Variants in HCFC2 observed in about 807,000 individuals in gnomAD.
HCFC2 encodes host cell factor C2.
Under a neutral mutation model 89.2 loss-of-function variants are expected in HCFC2, and 18 were observed. That is an observed-to-expected ratio of 0.20 (90% CI 0.14 to 0.30). HCFC2 has a LOEUF of 0.30. Among genes scored for constraint, HCFC2 ranks in the 10% least tolerant of loss-of-function variants. HCFC2 has a pLI of 1.00. For missense variants in HCFC2, 578 were observed against 956.1 expected (o/e 0.60, Z 5.21); for synonymous variants, 308 against 335.7 (o/e 0.92, Z 0.90).
At chr12:104,102,638 A>G (rs1244533082) in intron 14 of HCFC2, among the ~76,000 whole-genome samples, 2 of 152,184 alleles carry the variant, frequency 1.3e-5, no homozygotes, top group African/African-American at 2.4e-5. Context: ...GAGAATTTTA[A>G]TAGAGCACTC....
chr12:104,101,337 T>C (rs1379109676), intron 13 of HCFC2, among the ~76,000 whole-genome samples: 1 of 151,832 alleles, frequency 6.6e-6, no homozygotes, highest in Non-Finnish European at 1.5e-5. Context: ...ATACAAAAAT[T>C]AGTTGGGTGT....
At chr12:104,087,437 GTGTGTA>G (rs1242820640) in intron 8 of HCFC2, among the ~76,000 whole-genome samples, 15 of 100,744 alleles carry the variant, frequency 1.5e-4, no homozygotes, top group South Asian at 3.2e-4. Flanking sequence ...GTGTGTGTGT[GTGTGTA>G]TGTGTGTGTG....
At chr12:104,080,702 C>T (rs369037996) in intron 4 of HCFC2, 44 bp from the exon 5 acceptor site, 2 of 1,175,524 alleles carry the variant, frequency 1.7e-6, no homozygotes, top group Admixed American at 2.2e-5. Flanking sequence ...AGGTAATTTA[C>T]TCTTGTTAGA....
chr12:104,078,000 GTATT>G (rs1883559981), intron 3 of HCFC2, among the ~76,000 whole-genome samples: 1 of 151,842 alleles, frequency 6.6e-6, no homozygotes, highest in South Asian at 2.1e-4. Flanking sequence ...ATTTATTTAT[GTATT>G]TATTTTTGTT....
At chr12:104,081,606 T>G (rs895376125) in intron 5 of HCFC2, among the ~76,000 whole-genome samples, 3 of 151,996 alleles carry the variant, frequency 2.0e-5, no homozygotes, top group Non-Finnish European at 4.4e-5. Flanking sequence ...CCTAGTTTTT[T>G]TTTTTTTTTT....
Position 104,102,982 on chromosome 12 carries a change from C to T in HCFC2, c.2088C>T (p.Ser696=), listed in dbSNP as rs750007912. Residue 696 remains serine, a synonymous_variant, in exon 15 of 15, where the codon TCC becomes TCT. Transcript: ENST00000229330. ...ISKNVEGIHL[S]WEPPTSPSGN... ...AGAATGTTGAAGGTATCCACCTTTC[C>T]TGGGAACCTCCAACCTCACCTTCTG... 10 of 1,607,750 alleles carry T rather than the reference C, an allele frequency of 6.2e-6. No homozygotes were observed. Among genetic ancestry groups the T allele is most frequent in the South Asian group, 5.5e-5 (5 of 90,862 alleles).
intron 9 of HCFC2, among the ~76,000 whole-genome samples, chr12:104,092,589 A>G (rs1323736196): frequency 6.6e-6 from 1 of 152,160 alleles, no homozygotes; most frequent in Non-Finnish European, 1.5e-5. Context: ...CCTGGCCAAC[A>G]TGGTGAAACC....
chr12:104,105,096 T>C lies in HCFC2; in HGVS notation c.*1823T>C, dbSNP rs1268503337. The stretch of plus-strand genomic sequence containing the variant: ...TCTAGCTTCTGTAATGTATCTGATA[T>C]AGGCTAAACAAATACTTAACCAAAG... On this transcript the variant is annotated 3_prime_UTR_variant, in exon 15 of 15. Transcript: ENST00000229330. 1 of 152,050 alleles carries C rather than the reference T, an allele frequency of 6.6e-6. No homozygotes were observed. The highest frequency in any genetic ancestry group is 2.4e-5 in the African/African-American group (1 of 41,450). The allele number at this position is 152,050 out of a possible 1,614,324, so 9.4% of individuals were successfully genotyped here. A position where few individuals can be genotyped will look rare whatever the true frequency, so the allele number is the denominator to read the frequency against.
Position 104,105,468 on chromosome 12 carries a change from C to A in HCFC2, c.*2195C>A, listed in dbSNP as rs2030060716. 1 of 151,936 alleles carries A rather than the reference C, an allele frequency of 6.6e-6. No individual in the cohort carries two copies. The highest frequency in any genetic ancestry group is 1.5e-5 in the Non-Finnish European group (1 of 67,890). The allele number at this position is 151,936 out of a possible 1,614,324, so 9.4% of individuals were successfully genotyped here. A position where few individuals can be genotyped will look rare whatever the true frequency, so the allele number is the denominator to read the frequency against. On this transcript the variant is annotated 3_prime_UTR_variant, in exon 15 of 15. Transcript: ENST00000229330. ...TTCTGGATCAGGAGGTGATTCTGAA[C>A]CTGTGGTTCTAACATATGACTTAAC...
chr12:104,069,830 C>G (rs895187739), intron 3 of HCFC2, among the ~76,000 whole-genome samples: 6 of 152,034 alleles, frequency 3.9e-5, no homozygotes, highest in Admixed American at 6.6e-5. Context: ...GGTATTTGTC[C>G]TAATGCTCTC....
At chr12:104,084,310 G>C (rs1223040964) in intron 7 of HCFC2, among the ~76,000 whole-genome samples, 1 of 152,124 alleles carries the variant, frequency 6.6e-6, no homozygotes, top group Non-Finnish European at 1.5e-5. Context: ...TAGGTATTGG[G>C]CGTGGGAGTG....
At chr12:104,099,752 A>G (rs1195567021) in intron 13 of HCFC2, among the ~76,000 whole-genome samples, 1 of 152,024 alleles carries the variant, frequency 6.6e-6, no homozygotes, top group Non-Finnish European at 1.5e-5. Context: ...TGCAGCCTCA[A>G]CCTCCTGGGC....
Position 104,095,557 on chromosome 12 carries a change from T to C in HCFC2, c.1660T>C (p.Ser554Pro). ...TTCACTAACAACATTCAGTACCAAA[T>C]CTGAAGGTTTGAAATGTGTTTCACA... ...ETSLTTFSTKSEVDETYALPA... is the reference protein window; with the variant it reads ...ETSLTTFSTKPEVDETYALPA... Residue 554 changes from serine (S) to proline (P), a missense_variant, in exon 11 of 15, where the codon TCT becomes CCT. Around this residue, in one of 4 missense-constraint regions of HCFC2, gnomAD observed 210 missense variants for 251.7 expected, o/e 0.83. Coordinates refer to ENST00000229330, the MANE Select transcript of HCFC2 (RefSeq NM_013320.3). This position sits in a 1 kb window ranked among gnomAD's most constrained non-coding sequence, Gnocchi z 4.2. The C allele has an allele frequency of 6.2e-7, 1 of 1,610,980 alleles. No individual in the cohort carries two copies. The highest frequency in any genetic ancestry group is 8.5e-7 in the Non-Finnish European group (1 of 1,177,278).
intron 10 of HCFC2, 34 bp downstream of exon 10, chr12:104,093,597 A>G: frequency 6.5e-7 from 1 of 1,529,798 alleles, no homozygotes; most frequent in Non-Finnish European, 8.9e-7. Flanking sequence ...AAAGCTTTTT[A>G]TAAAATCGGT....
chr12:104,085,033 G>T (rs913845934), intron 7 of HCFC2, among the ~76,000 whole-genome samples: 7 of 152,242 alleles, frequency 4.6e-5, no homozygotes, highest in African/African-American at 9.6e-5. Context: ...GGCCATTAGA[G>T]AAATTAGATC....
intron 3 of HCFC2, among the ~76,000 whole-genome samples, chr12:104,072,000 A>C (rs1883338167): frequency 6.6e-6 from 1 of 152,134 alleles, no homozygotes; most frequent in Non-Finnish European, 1.5e-5. Flanking sequence ...TTTGAAATTG[A>C]TAGTTTTCTT....
At position 104,103,277 on chromosome 12, in the gene HCFC2, G is replaced by A; in HGVS notation, c.*4G>A. 1 of 1,598,068 alleles carries A rather than the reference G, an allele frequency of 6.3e-7. No individual in the cohort carries two copies. The highest frequency in any genetic ancestry group is 1.1e-5 in the South Asian group (1 of 89,360). On this transcript the variant is annotated 3_prime_UTR_variant, in exon 15 of 15. Transcript: ENST00000229330. Reference sequence around the variant, plus strand: ...TAAGAAAGCACCTTTAAATTGAATTGGTTTTTTTACTGAAGCTATTGTGAT... The same window carrying A: ...TAAGAAAGCACCTTTAAATTGAATTAGTTTTTTTACTGAAGCTATTGTGAT...
At chr12:104,077,367 T>G (rs1883529174) in intron 3 of HCFC2, among the ~76,000 whole-genome samples, 1 of 151,696 alleles carries the variant, frequency 6.6e-6, no homozygotes, top group South Asian at 2.1e-4. Context: ...CTCAGCCTCC[T>G]GAGTAGCTGG....
intron 9 of HCFC2, among the ~76,000 whole-genome samples, chr12:104,093,183 G>A (rs1364834381): frequency 6.6e-6 from 1 of 152,008 alleles, no homozygotes; most frequent in Non-Finnish European, 1.5e-5. Flanking sequence ...TTTTGAGCAT[G>A]GAGATTAAGT....
Sources: allele counts gnomAD v4.1 joint callset (sites outside exome capture counted in the v4.1 genomes callset), GRCh38; gene constraint gnomAD v4.1.1; regional missense constraint gnomAD v4.1.1; non-coding constraint Gnocchi (gnomAD v3.1); transcripts MANE v1.5; gene names NCBI Gene and HGNC (gene_info 2026-07-23, HGNC 2026-07-21).